PAPSS1: variants seen among roughly 807,000 people sequenced by gnomAD.
The protein encoded by PAPSS1 is bifunctional 3'-phosphoadenosine 5'-phosphosulfate synthase 1.
A neutral mutation model predicts 72.0 loss-of-function variants in PAPSS1; 50 were observed. That is an observed-to-expected ratio of 0.69 (90% confidence interval 0.55 to 0.88). The LOEUF (loss-of-function observed/expected upper bound fraction) is 0.88, where lower values mean the gene tolerates loss of function less well. Among genes scored for constraint, PAPSS1 ranks in the 40% least tolerant of loss-of-function variants. The probability of loss-of-function intolerance (pLI) is 0.00; values close to 1 mark genes in which losing one functional copy is unlikely to be tolerated. For missense variants in PAPSS1, 657 were observed against 782.2 expected (o/e 0.84, Z 1.91); for synonymous variants, 261 against 263.6 (o/e 0.99, Z 0.09).
intron 1 of PAPSS1, among the ~76,000 whole-genome samples, chr4:107,714,835 G>A (rs1723593835): frequency 6.6e-6 from 1 of 151,932 alleles, no homozygotes; most frequent in Non-Finnish European, 1.5e-5. Context: ...ACCCAGGCTG[G>A]GAAGCATATT....
intron 5 of PAPSS1, among the ~76,000 whole-genome samples, chr4:107,667,128 A>G (rs1279234593): frequency 6.6e-6 from 1 of 152,086 alleles, no homozygotes; most frequent in Non-Finnish European, 1.5e-5. Flanking sequence ...TCAATCACCA[A>G]TGGCCAATGA....
At chr4:107,616,451 G>T (rs772696271) in intron 11 of PAPSS1, among the ~76,000 whole-genome samples, 1 of 152,106 alleles carries the variant, frequency 6.6e-6, no homozygotes, top group Non-Finnish European at 1.5e-5. Flanking sequence ...TGGTGCTAGG[G>T]ACACCAAATA....
At chr4:107,717,091 AAACTCCAGATTTCTAT>A (rs1026191309) in intron 1 of PAPSS1, among the ~76,000 whole-genome samples, 1 of 152,210 alleles carries the variant, frequency 6.6e-6, no homozygotes, top group Non-Finnish European at 1.5e-5. Flanking sequence ...TAAAAAAAAA[AAACTCCAGATTTCTAT>A]AACTCTTTAT....
intron 1 of PAPSS1, among the ~76,000 whole-genome samples, chr4:107,715,470 GCTGT>G (rs1279357830): frequency 1.3e-5 from 2 of 152,184 alleles, no homozygotes; most frequent in African/African-American, 4.8e-5. Flanking sequence ...CTCTTGTTTG[GCTGT>G]CTGTTCCACT....
chr4:107,719,632 A>G (rs1723725996), intron 1 of PAPSS1, among the ~76,000 whole-genome samples: 1 of 152,204 alleles, frequency 6.6e-6, no homozygotes, highest in Non-Finnish European at 1.5e-5. Flanking sequence ...ATGGAAAGAC[A>G]CGGAGATGGA....
chr4:107,661,441 A>C (rs1727179557), intron 5 of PAPSS1, among the ~76,000 whole-genome samples: 1 of 152,204 alleles, frequency 6.6e-6, no homozygotes, highest in South Asian at 2.1e-4. Context: ...GACAGCCACA[A>C]TGTGTCTTTA....
rs183613857 is a variant in PAPSS1, at chr4:107,667,879, G to A, written c.670-7807C>T. 1.3e-3 allele frequency among the ~76,000 whole-genome samples: 200 copies of A among 152,290 alleles called. 1 individual carries two copies. Among genetic ancestry groups the A allele is most frequent in the Middle Eastern group, 3.4e-3 (1 of 294 alleles). ...TTTCACACTAGCTGGACACAGGTATGAGCAGTTTATTTCTTTAATAAACAT... is the reference window on the plus strand; with the variant it reads ...TTTCACACTAGCTGGACACAGGTATAAGCAGTTTATTTCTTTAATAAACAT... On this transcript the variant is annotated intron_variant, in intron 5 of 11. Transcript: ENST00000265174.
chr4:107,686,998 A>G, intron 4 of PAPSS1, 41 bp downstream of exon 4: 3 of 1,573,790 alleles, frequency 1.9e-6, no homozygotes, highest in Non-Finnish European at 2.6e-6. Flanking sequence ...GGAACATAAA[A>G]TATCTAAGCA....
intron 1 of PAPSS1, among the ~76,000 whole-genome samples, chr4:107,707,005 T>C (rs996239065): frequency 6.6e-6 from 1 of 152,116 alleles, no homozygotes; most frequent in African/African-American, 2.4e-5. Context: ...GCTCAGCATA[T>C]GGGTGCTGGC....
chr4:107,677,186 G>A (rs1727676047), intron 5 of PAPSS1, among the ~76,000 whole-genome samples: 1 of 151,650 alleles, frequency 6.6e-6, no homozygotes, highest in Non-Finnish European at 1.5e-5. Flanking sequence ...TTGACAAATG[G>A]GATCTAATTA....
chr4:107,670,424 G>A (rs527535676), intron 5 of PAPSS1, among the ~76,000 whole-genome samples: 3 of 152,088 alleles, frequency 2.0e-5, no homozygotes, highest in Non-Finnish European at 4.4e-5. Flanking sequence ...AAAATACTAC[G>A]GTGAACTTCA....
intron 9 of PAPSS1, among the ~76,000 whole-genome samples, chr4:107,649,627 A>G (rs1726786133): frequency 6.6e-6 from 1 of 152,188 alleles, no homozygotes; most frequent in African/African-American, 2.4e-5. Context: ...CTTCAGAGCC[A>G]AACATAGATC....
intron 10 of PAPSS1, 79 bp downstream of exon 10, chr4:107,644,723 G>A: frequency 7.3e-7 from 1 of 1,378,546 alleles, no homozygotes; most frequent in Non-Finnish European, 9.8e-7. Flanking sequence ...CACAGAAAAA[G>A]CAATCGGATG....
Position 107,705,472 on chromosome 4 carries a change from T to A in PAPSS1, c.61-4187A>T, listed in dbSNP as rs76341855. ...CTTCCTCTTCACCTTCCGCCATGAT[T>A]ATAAGTTTCCTGGGGCGTCCCCAGT... is the stretch of plus-strand genomic sequence containing the variant. On this transcript the variant is annotated intron_variant, in intron 1 of 11. Coordinates refer to ENST00000265174, the MANE Select transcript of PAPSS1 (RefSeq NM_005443.5). 8.5e-4 allele frequency among the ~76,000 whole-genome samples: 129 copies of A among 152,330 alleles called. 1 individual carries two copies. In the East Asian group the frequency reaches 0.023, roughly 27 times the overall value.
At chr4:107,654,966 A>C in intron 7 of PAPSS1, 66 bp from the exon 8 acceptor site, 1 of 1,156,204 alleles carries the variant, frequency 8.6e-7, no homozygotes, top group Non-Finnish European at 1.3e-6. Context: ...CTTAACACCC[A>C]CCTTTCACTT....
chr4:107,694,544 C>T (rs761230083), intron 2 of PAPSS1, among the ~76,000 whole-genome samples: 5 of 152,134 alleles, frequency 3.3e-5, no homozygotes, highest in South Asian at 4.1e-4. Flanking sequence ...TTTGTCCTCT[C>T]GTTACCACTT....
intron 8 of PAPSS1, among the ~76,000 whole-genome samples, chr4:107,654,121 A>T (rs937601743): frequency 6.6e-6 from 1 of 152,108 alleles, no homozygotes; most frequent in African/African-American, 2.4e-5. Flanking sequence ...GTTCATATTC[A>T]CAAGGCAGCT....
chr4:107,684,776 T>C (rs1722728948), intron 4 of PAPSS1, among the ~76,000 whole-genome samples: 1 of 150,582 alleles, frequency 6.6e-6, no homozygotes, highest in Non-Finnish European at 1.5e-5. Context: ...ATTTGATTGA[T>C]GTCTCATGCC....
At chr4:107,635,123 T>C (rs375271998) in intron 10 of PAPSS1, among the ~76,000 whole-genome samples, 1 of 152,296 alleles carries the variant, frequency 6.6e-6, no homozygotes, top group African/African-American at 2.4e-5. Context: ...TTTAAAGTTT[T>C]TTCTAAAATG....
Sources: gnomAD v4.1 joint callset for allele counts (sites outside exome capture counted in the v4.1 genomes callset) on GRCh38, gnomAD v4.1.1 for gene constraint, MANE v1.5 for transcripts, NCBI Gene and HGNC (gene_info 2026-07-23, HGNC 2026-07-21) for gene names.